Variants in DOCK1 observed in about 807,000 individuals in gnomAD.
DOCK1 encodes the protein dedicator of cytokinesis protein 1.
A neutral mutation model predicts 262.7 loss-of-function variants in DOCK1; 138 were observed. The observed-to-expected ratio is 0.53, with a 90% CI of 0.46 to 0.61. The LOEUF is 0.61. DOCK1 is among the 20% of genes least tolerant of loss of function. The pLI is 0.00. For missense variants in DOCK1, 1,908 were observed against 2,370.7 expected, an observed-to-expected ratio of 0.80 and a Z score of 4.05; for synonymous variants, 866 against 867.4, an observed-to-expected ratio of 1.00 and a Z score of 0.03.
At chr10:127,424,242 G>A (rs2068682239) in intron 46 of DOCK1, among the ~76,000 whole-genome samples, 1 of 152,188 alleles carries the variant, frequency 6.6e-6, no homozygotes, top group Admixed American at 6.5e-5. Context: ...GAACTGCTGA[G>A]AGTGGTGAAT....
chr10:127,312,289 C>T (rs1260499046), intron 29 of DOCK1, among the ~76,000 whole-genome samples: 1 of 152,160 alleles, frequency 6.6e-6, no homozygotes, highest in Non-Finnish European at 1.5e-5. Context: ...GTGATGATCA[C>T]CAGGCTCTCC....
At chr10:127,264,759 C>A (rs1340913628) in intron 29 of DOCK1, among the ~76,000 whole-genome samples, 1 of 152,048 alleles carries the variant, frequency 6.6e-6, no homozygotes, top group African/African-American at 2.4e-5. Flanking sequence ...CTACTGGGTT[C>A]AAGCAATCCT....
rs532845810 is a variant in DOCK1, at chr10:127,104,688, G to C, written c.2446-1543G>C. ...TTATTGCAATTCCTTGAAGTATCTG[G>C]CGTGAATGTTATTTTCCCTCTTACT... On this transcript the variant is annotated intron_variant, in intron 23 of 51. Transcript: ENST00000623213. Among the ~76,000 whole-genome samples the C allele has an allele frequency of 3.3e-5, 5 of 152,116 alleles. No homozygotes were observed. The South Asian group carries it at 1.0e-3, about 32-fold the overall frequency.
chr10:127,193,910 A>G (rs1054075985), intron 27 of DOCK1, among the ~76,000 whole-genome samples: 1 of 152,208 alleles, frequency 6.6e-6, no homozygotes, highest in East Asian at 1.9e-4. Flanking sequence ...GCAGACATGG[A>G]GCTTCCCAGC....
chr10:127,095,380 C>T (rs2047845980), intron 23 of DOCK1, among the ~76,000 whole-genome samples: 1 of 152,184 alleles, frequency 6.6e-6, no homozygotes, highest in African/African-American at 2.4e-5. Context: ...CTTCTGTTCT[C>T]CTGTGTGCCT....
chr10:127,273,443 G>C (rs1238936690), intron 29 of DOCK1, among the ~76,000 whole-genome samples: 1 of 152,238 alleles, frequency 6.6e-6, no homozygotes, highest in Non-Finnish European at 1.5e-5. Context: ...GCTCCTTGCA[G>C]CTGTCCCCAG....
In DOCK1 at chr10:127,156,576, T is replaced by C. The variant is rs2133578138; in HGVS notation, c.2847+28812T>C. Among the ~76,000 whole-genome samples the C allele has an allele frequency of 2.1e-5, 3 of 141,292 alleles. No homozygotes were observed. In the East Asian group the frequency reaches 6.1e-4, roughly 29 times the overall value. 92.7% of individuals were successfully genotyped at this position (141,292 alleles called of 152,430 possible). On this transcript the variant is annotated intron_variant, in intron 27 of 51. Transcript: ENST00000623213. ...TTCTTCTTCTTCTTTTTTTTTTTTTTTTTTTTTTGAGACCAAGTTTCGCTC... is the reference window on the plus strand; with the variant it reads ...TTCTTCTTCTTCTTTTTTTTTTTTTCTTTTTTTTGAGACCAAGTTTCGCTC...
At chr10:127,339,631 G>A (rs1010437105) in intron 30 of DOCK1, among the ~76,000 whole-genome samples, 5 of 147,464 alleles carry the variant, frequency 3.4e-5, no homozygotes, top group African/African-American at 1.0e-4. Context: ...GTGTTTGTGT[G>A]TGTGTGTGTG....
At chr10:127,052,371 A>T (rs546677866) in intron 21 of DOCK1, among the ~76,000 whole-genome samples, 76 of 152,282 alleles carry the variant, frequency 5.0e-4, no homozygotes, top group African/African-American at 1.8e-3. Context: ...TAAAATACAA[A>T]AAATTAGCTG....
At chr10:127,198,969 C>T (rs2057337111) in intron 27 of DOCK1, among the ~76,000 whole-genome samples, 2 of 151,628 alleles carry the variant, frequency 1.3e-5, no homozygotes, top group African/African-American at 2.4e-5. Context: ...ATCTTCCTGC[C>T]CACAGATCCC....
intron 9 of DOCK1, among the ~76,000 whole-genome samples, chr10:126,999,711 C>A (rs376623106): frequency 9.9e-5 from 15 of 152,190 alleles, no homozygotes; most frequent in African/African-American, 3.6e-4. Flanking sequence ...GAGTCTTGCT[C>A]TGTCACCCAG....
chr10:127,094,004 C>T (rs1185534469), intron 23 of DOCK1, among the ~76,000 whole-genome samples: 1 of 152,064 alleles, frequency 6.6e-6, no homozygotes, highest in Non-Finnish European at 1.5e-5. Flanking sequence ...ACCCAGTCCT[C>T]CCTATGTGGC....
At chr10:127,330,189 T>C (rs180910516) in intron 29 of DOCK1, among the ~76,000 whole-genome samples, 2 of 152,292 alleles carry the variant, frequency 1.3e-5, no homozygotes, top group African/African-American at 4.8e-5. Context: ...AGAAAGTAGA[T>C]GAAGAACTCT....
At chr10:127,320,886 G>A (rs1295564946) in intron 29 of DOCK1, among the ~76,000 whole-genome samples, 1 of 151,972 alleles carries the variant, frequency 6.6e-6, no homozygotes, top group African/African-American at 2.4e-5. Context: ...CTACTGCAGG[G>A]AAGCTCCCTT....
At chr10:127,114,082 G>A (rs2049027682) in intron 25 of DOCK1, among the ~76,000 whole-genome samples, 1 of 152,166 alleles carries the variant, frequency 6.6e-6, no homozygotes, top group Admixed American at 6.6e-5. Flanking sequence ...CCACCTCATG[G>A]CTCCTCATGG....
intron 27 of DOCK1, among the ~76,000 whole-genome samples, chr10:127,168,373 C>G (rs1316395108): frequency 6.6e-6 from 1 of 152,324 alleles, no homozygotes; most frequent in African/African-American, 2.4e-5. Flanking sequence ...AGTGCTAAGG[C>G]ACAGGAGAGC....
chr10:127,122,222 G>C (rs2049634309), intron 25 of DOCK1, among the ~76,000 whole-genome samples: 1 of 152,140 alleles, frequency 6.6e-6, no homozygotes, highest in African/African-American at 2.4e-5. Flanking sequence ...CCTTTCTTTG[G>C]GGGCCTGGGA....
intron 18 of DOCK1, among the ~76,000 whole-genome samples, chr10:127,035,773 G>T (rs185749594): frequency 2.0e-5 from 3 of 152,112 alleles, no homozygotes; most frequent in African/African-American, 7.2e-5. Context: ...ACTTTGGGAG[G>T]CTGAGGCGTG....
intron 27 of DOCK1, among the ~76,000 whole-genome samples, chr10:127,203,697 C>A (rs752652232): frequency 6.8e-6 from 1 of 147,174 alleles, no homozygotes; most frequent in African/African-American, 2.5e-5. Context: ...AAACAGTCTT[C>A]GCTTTAATTG....
Sources: gnomAD v4.1 joint callset for allele counts (sites outside exome capture counted in the v4.1 genomes callset) on GRCh38, gnomAD v4.1.1 for gene constraint, MANE v1.5 for transcripts, NCBI Gene and HGNC (gene_info 2026-07-23, HGNC 2026-07-21) for gene names.